Variants in MICAL2 observed in about 807,000 individuals in gnomAD.
MICAL2 encodes the protein [F-actin]-monooxygenase MICAL2.
In MICAL2, 77 loss-of-function variants were observed where a neutral mutation model predicts 127.3. That is an observed-to-expected ratio of 0.60 (90% CI 0.50 to 0.73). The LOEUF is 0.73. MICAL2 is among the 30% of genes least tolerant of loss of function. The pLI is 0.00. For missense variants in MICAL2, 1,351 were observed against 1,434.4 expected, an observed-to-expected ratio of 0.94 and a Z score of 0.94; for synonymous variants, 570 against 551.1, an observed-to-expected ratio of 1.03 and a Z score of -0.48.
chr11:12,295,935 A>C (rs972129496), downstream of MICAL2, among the ~76,000 whole-genome samples: 1 of 152,148 alleles, frequency 6.6e-6, no homozygotes, highest in Non-Finnish European at 1.5e-5. Flanking sequence ...TTAAACTCCT[A>C]GCCTAAACAC....
At chr11:12,209,650 G>A (rs138212291) in intron 6 of MICAL2, 52 bp downstream of exon 6, 1 of 1,485,206 alleles carries the variant, frequency 6.7e-7, no homozygotes, top group African/African-American at 1.4e-5. Flanking sequence ...ATGGGAGAGG[G>A]TACATTGGGG....
chr11:12,322,632 A>G (rs1238248538), intron 30 of MICAL2, among the ~76,000 whole-genome samples: 1 of 152,202 alleles, frequency 6.6e-6, no homozygotes, highest in African/African-American at 2.4e-5. Flanking sequence ...CCTAGTATAC[A>G]GAAAGTTGAT....
Position 12,208,655 on chromosome 11 carries a change from A to G in MICAL2, c.589+516A>G, listed in dbSNP as rs114626417. Among the ~76,000 whole-genome samples, 1,430 of 152,344 alleles carry G rather than the reference A, an allele frequency of 9.4e-3. 25 individuals are homozygous for G. Among genetic ancestry groups the G allele is most frequent in the African/African-American group, 0.033 (1,372 of 41,578 alleles). On this transcript the variant is annotated intron_variant, in intron 5 of 27. Coordinates refer to ENST00000683283, the MANE Select transcript of MICAL2 (RefSeq NM_001282663.2). Reference sequence around the variant, plus strand: ...AACTATGATATTTGCCCGTATAGGCATATCATAATGTTTCTCTTTTTTCCT... The same window carrying G: ...AACTATGATATTTGCCCGTATAGGCGTATCATAATGTTTCTCTTTTTTCCT...
rs189098777 is a variant in MICAL2, at chr11:12,279,599, G to A, written c.88-1334G>A. 1.5e-3 allele frequency among the ~76,000 whole-genome samples: 234 copies of A among 152,104 alleles called. 2 individuals carry two copies. Among genetic ancestry groups the A allele is most frequent in the African/African-American group, 5.3e-3 (221 of 41,540 alleles). ...GTAACAAAGGCAAATGCATCGGCTC[G>A]TCTGACTGGGAAGTCCAAGGGTGGT... On this transcript the variant is annotated intron_variant, in intron 1 of 2. Transcript: ENST00000529028.
intron 12 of MICAL2, among the ~76,000 whole-genome samples, chr11:12,224,090 T>G (rs529178185): frequency 2.4e-4 from 36 of 152,278 alleles, no homozygotes; most frequent in African/African-American, 8.4e-4. Context: ...CATGCCCCAC[T>G]GCTGTAATAA....
chr11:12,321,177 C>T (rs750893381), intron 30 of MICAL2, among the ~76,000 whole-genome samples: 17 of 152,290 alleles, frequency 1.1e-4, no homozygotes, highest in Non-Finnish European at 1.3e-4. Flanking sequence ...CCCGCCATCA[C>T]GTCAGCTTGC....
chr11:12,354,026 A>G (rs11826796), intron 33 of MICAL2, among the ~76,000 whole-genome samples: 10,930 of 151,970 alleles, frequency 0.072, 927 homozygotes, highest in African/African-American at 0.2. Context: ...CCTCACCCCC[A>G]CCCCATCCCT....
At chr11:12,224,503 A>G (rs777150581) in intron 12 of MICAL2, 170 bp from the exon 13 acceptor site, 1 of 730,642 alleles carries the variant, frequency 1.4e-6, no homozygotes, top group South Asian at 1.9e-5. Context: ...CAGGCCCCCA[A>G]GCAGCAGTCC....
chr11:12,269,890 G>C (rs1163915357), intron 24 of MICAL2, among the ~76,000 whole-genome samples: 3 of 152,234 alleles, frequency 2.0e-5, no homozygotes, highest in Non-Finnish European at 4.4e-5. Flanking sequence ...AGGCAGGACA[G>C]CCATGCCCCA....
chr11:12,337,174 A>T (rs1938779258), intron 32 of MICAL2, among the ~76,000 whole-genome samples: 2 of 152,160 alleles, frequency 1.3e-5, no homozygotes, highest in Non-Finnish European at 2.9e-5. Flanking sequence ...TTCCTGGTTT[A>T]GTCTTCGGAG....
intron 3 of MICAL2, among the ~76,000 whole-genome samples, chr11:12,188,889 A>G (rs1858685629): frequency 6.6e-6 from 1 of 152,188 alleles, no homozygotes; most frequent in African/African-American, 2.4e-5. Flanking sequence ...TTGTGTCACT[A>G]TGCGGACTCT....
At chr11:12,198,457 G>T (rs1860233422) in intron 3 of MICAL2, among the ~76,000 whole-genome samples, 1 of 152,196 alleles carries the variant, frequency 6.6e-6, no homozygotes, top group Non-Finnish European at 1.5e-5. Flanking sequence ...TCTGGCAGGT[G>T]GGTGGCACCT....
chr11:12,213,049 T>C (rs1855699368), intron 6 of MICAL2, among the ~76,000 whole-genome samples: 1 of 151,256 alleles, frequency 6.6e-6, no homozygotes, highest in Non-Finnish European at 1.5e-5. Context: ...CCAGGTCCTG[T>C]AGATTTTAGA....
At chr11:12,302,361 C>A (rs572995217) in intron 29 of MICAL2, among the ~76,000 whole-genome samples, 1 of 152,226 alleles carries the variant, frequency 6.6e-6, no homozygotes, top group East Asian at 1.9e-4. Context: ...GTGGTTGTAC[C>A]AATGTATATA....
At chr11:12,255,019 A>G (rs1204966638) in intron 22 of MICAL2, 1 of 150,584 alleles carries the variant, frequency 6.6e-6, no homozygotes, top group Non-Finnish European at 1.5e-5. Context: ...CCCAGGTTCA[A>G]GTGATTCTCC....
intron 32 of MICAL2, among the ~76,000 whole-genome samples, chr11:12,337,842 T>G (rs1287752661): frequency 2.0e-5 from 3 of 152,336 alleles, no homozygotes; most frequent in East Asian, 1.9e-4. Flanking sequence ...TTTCTGTTCT[T>G]TTACATTTGC....
intron 3 of MICAL2, among the ~76,000 whole-genome samples, chr11:12,182,125 T>A (rs527700428): frequency 7.2e-5 from 11 of 152,360 alleles, no homozygotes; most frequent in African/African-American, 2.4e-4. Context: ...TACAACTAGA[T>A]CTTGTTACTT....
chr11:12,152,117 G>A (rs1463698742), intron 2 of MICAL2, among the ~76,000 whole-genome samples: 9 of 142,406 alleles, frequency 6.3e-5, no homozygotes, highest in Admixed American at 2.2e-4. Flanking sequence ...GTGAAACCCC[G>A]TCTCTACTAA....
chr11:12,119,941 A>G (rs35204653), intron 1 of MICAL2, among the ~76,000 whole-genome samples: 1 of 152,218 alleles, frequency 6.6e-6, no homozygotes, highest in Non-Finnish European at 1.5e-5. Context: ...GGTCAGAGTC[A>G]GGTCTCTTTT....
Sources: allele counts gnomAD v4.1 joint callset (sites outside exome capture counted in the v4.1 genomes callset), GRCh38; gene constraint gnomAD v4.1.1; transcripts MANE v1.5; gene names NCBI Gene and HGNC (gene_info 2026-07-23, HGNC 2026-07-21).